The following CDC42BPA variants were observed in gnomAD, a reference collection of about 807,000 sequenced individuals.
CDC42BPA encodes the protein CDC42 binding protein kinase alpha.
In CDC42BPA, 80 loss-of-function variants were observed where a neutral mutation model predicts 223.5. That is an observed-to-expected ratio of 0.36 (90% CI 0.30 to 0.43). CDC42BPA has a LOEUF of 0.43. Among genes scored for constraint, CDC42BPA ranks in the 20% least tolerant of loss-of-function variants. CDC42BPA has a pLI of 1.00. For missense variants in CDC42BPA, 1,743 were observed against 2,099.9 expected (o/e 0.83, Z 3.32); for synonymous variants, 694 against 718.6 (o/e 0.97, Z 0.55).
At chr1:227,026,817 T>G (rs921359561) in intron 30 of CDC42BPA, among the ~76,000 whole-genome samples, 4 of 152,160 alleles carry the variant, frequency 2.6e-5, no homozygotes, top group African/African-American at 9.7e-5. Flanking sequence ...AGAGTGTGTG[T>G]GGGTTTGTGT....
chr1:227,129,860 T>C (rs964780783), intron 10 of CDC42BPA, among the ~76,000 whole-genome samples: 3 of 151,984 alleles, frequency 2.0e-5, no homozygotes, highest in African/African-American at 7.2e-5. Flanking sequence ...TCAGATGCTA[T>C]ACGAAGAACT....
intron 34 of CDC42BPA, among the ~76,000 whole-genome samples, chr1:227,006,945 C>T (rs1228333923): frequency 2.5e-5 from 3 of 121,614 alleles, no homozygotes; most frequent in Admixed American, 9.8e-5. Context: ...AGTGAGACTC[C>T]GTCTCAACAA....
rs1049709158 is a variant in CDC42BPA, at chr1:226,993,435, C to T, written c.*833G>A. ...GCTTCAAATGTTAAAGCTCTGGTGCCCAGGGCATGCCCCAAACCAGCAAAA... is the reference window on the plus strand; with the variant it reads ...GCTTCAAATGTTAAAGCTCTGGTGCTCAGGGCATGCCCCAAACCAGCAAAA... On this transcript the variant is annotated 3_prime_UTR_variant, in exon 37 of 37. Transcript: ENST00000366766. 6.6e-6 allele frequency: 1 copy of T among 152,252 alleles called. No homozygotes were observed. The highest frequency in any genetic ancestry group is 2.4e-5 in the African/African-American group (1 of 41,432). The allele number at this position is 152,252 out of a possible 1,614,324, so 9.4% of individuals were successfully genotyped here.
intron 3 of CDC42BPA, among the ~76,000 whole-genome samples, chr1:227,204,480 A>G (rs941552445): frequency 2.0e-5 from 3 of 152,092 alleles, no homozygotes; most frequent in South Asian, 2.1e-4. Flanking sequence ...CCCCTCCCCA[A>G]CTAAAATCCC....
intron 34 of CDC42BPA, among the ~76,000 whole-genome samples, chr1:227,014,932 T>C (rs967994740): frequency 1.3e-5 from 2 of 152,208 alleles, no homozygotes; most frequent in African/African-American, 4.8e-5. Context: ...CTAATCTTCA[T>C]ATTGTTAAAA....
At chr1:227,090,003 C>G (rs973160342) in intron 16 of CDC42BPA, among the ~76,000 whole-genome samples, 19 of 142,086 alleles carry the variant, frequency 1.3e-4, no homozygotes, top group Non-Finnish European at 1.2e-4. Flanking sequence ...TTAGTCAACA[C>G]ATGAAATAAC....
chr1:227,228,389 T>C (rs1468361704), intron 2 of CDC42BPA, among the ~76,000 whole-genome samples: 1 of 152,208 alleles, frequency 6.6e-6, no homozygotes, highest in Non-Finnish European at 1.5e-5. Context: ...TAATATTCCA[T>C]CATACAGATA....
intron 34 of CDC42BPA, among the ~76,000 whole-genome samples, chr1:227,012,437 C>T (rs1230639190): frequency 6.6e-6 from 1 of 151,556 alleles, no homozygotes. Flanking sequence ...AGGTTTGCAT[C>T]TGATAGAGGA....
intron 23 of CDC42BPA, among the ~76,000 whole-genome samples, chr1:227,046,503 G>A (rs950652256): frequency 3.0e-4 from 46 of 152,146 alleles, no homozygotes; most frequent in African/African-American, 9.9e-4. Context: ...ACCAACCAGT[G>A]AGCCTGGTTG....
chr1:227,233,987 A>G (rs1678518911), intron 2 of CDC42BPA, among the ~76,000 whole-genome samples: 1 of 151,844 alleles, frequency 6.6e-6, no homozygotes, highest in Non-Finnish European at 1.5e-5. Flanking sequence ...TAGTCTCTGC[A>G]GCATGTAGAA....
At chr1:227,229,798 C>T (rs189939974) in intron 2 of CDC42BPA, among the ~76,000 whole-genome samples, 39 of 152,276 alleles carry the variant, frequency 2.6e-4, no homozygotes, top group Admixed American at 2.2e-3. Context: ...CAACTTCTAT[C>T]ATTTCTGTTA....
intron 21 of CDC42BPA, among the ~76,000 whole-genome samples, chr1:227,063,528 A>G (rs1178379429): frequency 3.3e-5 from 5 of 152,010 alleles, no homozygotes; most frequent in Non-Finnish European, 5.9e-5. Context: ...TATATTATAT[A>G]TGCGATAAAA....
chr1:227,236,507 T>C (rs1679052485), intron 2 of CDC42BPA, among the ~76,000 whole-genome samples: 1 of 151,522 alleles, frequency 6.6e-6, no homozygotes, highest in Non-Finnish European at 1.5e-5. Context: ...TGTATATATT[T>C]TAAAAATAAT....
chr1:227,082,172 T>TA (rs1004264034), intron 16 of CDC42BPA, among the ~76,000 whole-genome samples: 10 of 151,954 alleles, frequency 6.6e-5, no homozygotes, highest in South Asian at 2.1e-4. Context: ...GGATTACAGC[T>TA]AAAAAAAATT....
intron 5 of CDC42BPA, among the ~76,000 whole-genome samples, chr1:227,174,436 G>A (rs568003353): frequency 5.9e-5 from 9 of 152,150 alleles, no homozygotes; most frequent in African/African-American, 1.4e-4. Context: ...AGAAATCAGC[G>A]CAAAGCTCTG....
At chr1:227,212,546 C>T (rs546500665) in intron 3 of CDC42BPA, among the ~76,000 whole-genome samples, 143 of 152,074 alleles carry the variant, frequency 9.4e-4, no homozygotes, top group Non-Finnish European at 1.4e-3. Context: ...AAGTCCACTC[C>T]AAATCTATGT....
chr1:227,186,657 G>A (rs570535691), intron 5 of CDC42BPA, among the ~76,000 whole-genome samples: 26 of 152,210 alleles, frequency 1.7e-4, no homozygotes, highest in Non-Finnish European at 2.6e-4. Flanking sequence ...GCACACACAC[G>A]CCCCTTGCCA....
In CDC42BPA at chr1:226,990,336, G is replaced by C. The variant is rs1308306919; in HGVS notation, c.*3932C>G. ...CTGTGTGGGGAGGGCCCAGCGTGCTGCCAGTGCTGGGGGGCAGGGCTTACA... is the reference window on the plus strand; with the variant it reads ...CTGTGTGGGGAGGGCCCAGCGTGCTCCCAGTGCTGGGGGGCAGGGCTTACA... On this transcript the variant is annotated 3_prime_UTR_variant, in exon 37 of 37. Transcript: ENST00000366766. The C allele has an allele frequency of 6.6e-6, 1 of 152,266 alleles. No individual in the cohort carries two copies. The highest frequency in any genetic ancestry group is 1.5e-5 in the Non-Finnish European group (1 of 68,044). The allele number at this position is 152,266 out of a possible 1,614,324, so 9.4% of individuals were successfully genotyped here.
At position 227,129,093 on chromosome 1, in the gene CDC42BPA, AAT is replaced by A. The variant is rs755408795; in HGVS notation, c.1513+14_1513+15del. The A allele has an allele frequency of 7.3e-7, 1 of 1,361,252 alleles. No individual in the cohort carries two copies. Among genetic ancestry groups the A allele is most frequent in the African/African-American group, 1.5e-5 (1 of 68,236 alleles). The allele number at this position is 1,361,252 out of a possible 1,614,324, so 84.3% of individuals were successfully genotyped here. A position where few individuals can be genotyped will look rare whatever the true frequency, so the allele number is the denominator to read the frequency against. On this transcript the variant is annotated intron_variant, in intron 11 of 36. Transcript: ENST00000366766. Reference sequence around the variant, plus strand: ...CATTTCCTAAATTGAATTAACAGTGAATCACAGATATTTACCTGTTACTTGTT... The same window carrying A: ...CATTTCCTAAATTGAATTAACAGTGACACAGATATTTACCTGTTACTTGTT...
Sources: allele counts gnomAD v4.1 joint callset (sites outside exome capture counted in the v4.1 genomes callset), GRCh38; gene constraint gnomAD v4.1.1; transcripts MANE v1.5; gene names NCBI Gene and HGNC (gene_info 2026-07-23, HGNC 2026-07-21).